The following BMPR1A variants were observed in gnomAD, a reference collection of about 807,000 sequenced individuals.
BMPR1A encodes the protein bone morphogenetic protein receptor type 1A.
In BMPR1A, 7 loss-of-function variants were observed where a neutral mutation model predicts 66.0. The ratio of observed to expected loss-of-function variants is 0.11; its 90% CI spans 0.06 to 0.20. The LOEUF is 0.20. Among genes scored for constraint, BMPR1A ranks in the 10% least tolerant of loss-of-function variants. The pLI is 1.00. For synonymous variants in BMPR1A, 200 were observed against 229.7 expected (o/e 0.87, Z 1.17); for missense variants, 408 against 669.1 (o/e 0.61, Z 4.31).
At chr10:86,822,924 C>T (rs886706750) in intron 1 of BMPR1A, among the ~76,000 whole-genome samples, 2 of 152,084 alleles carry the variant, frequency 1.3e-5, no homozygotes, top group Admixed American at 6.5e-5. Flanking sequence ...GCCACTGTGC[C>T]GGCCTGAGCT....
At chr10:86,764,856 CA>C (rs1446026610) in intron 1 of BMPR1A, among the ~76,000 whole-genome samples, 1 of 152,182 alleles carries the variant, frequency 6.6e-6, no homozygotes, top group East Asian at 1.9e-4. Context: ...TAAAATATCT[CA>C]TTATGCTTTT....
At chr10:86,764,699 CCGA>C (rs1841135729) in intron 1 of BMPR1A, among the ~76,000 whole-genome samples, 2 of 152,184 alleles carry the variant, frequency 1.3e-5, no homozygotes, top group African/African-American at 4.8e-5. Context: ...ACGTAAATAT[CCGA>C]TTCAGGTTTG....
intron 2 of BMPR1A, among the ~76,000 whole-genome samples, chr10:86,873,486 A>G (rs1469738459): frequency 6.6e-6 from 1 of 151,922 alleles, no homozygotes; most frequent in African/African-American, 2.4e-5. Flanking sequence ...GTAAATTAAT[A>G]AGTGAAAATT....
chr10:86,801,171 A>AT (rs1164270160), intron 1 of BMPR1A, among the ~76,000 whole-genome samples: 1 of 152,168 alleles, frequency 6.6e-6, no homozygotes, highest in Non-Finnish European at 1.5e-5. Flanking sequence ...ACAGGGTCTC[A>AT]TTCTGTCACC....
intron 2 of BMPR1A, among the ~76,000 whole-genome samples, chr10:86,862,784 TA>T (rs1842729412): frequency 6.6e-6 from 1 of 150,728 alleles, no homozygotes; most frequent in Non-Finnish European, 1.5e-5. Flanking sequence ...AGCGATATTC[TA>T]AAAATAAAAA....
intron 1 of BMPR1A, among the ~76,000 whole-genome samples, chr10:86,828,989 G>A (rs1842232683): frequency 6.6e-6 from 1 of 152,046 alleles, no homozygotes; most frequent in South Asian, 2.1e-4. Context: ...ATTTTCTGGG[G>A]TTCAGTCTGT....
intron 8 of BMPR1A, 142 bp downstream of exon 8, chr10:86,912,526 T>C (rs1589288746): frequency 1.9e-6 from 2 of 1,032,646 alleles, no homozygotes; most frequent in East Asian, 5.1e-5. Context: ...GTATGCAGTA[T>C]TGCAAGGTGA....
chr10:86,905,740 A>AG (rs1843375965), intron 7 of BMPR1A, among the ~76,000 whole-genome samples: 1 of 151,730 alleles, frequency 6.6e-6, no homozygotes, highest in Non-Finnish European at 1.5e-5. Context: ...CATTGTCTTT[A>AG]GGGGACTCCT....
At chr10:86,867,219 C>T (rs1478542795) in intron 2 of BMPR1A, among the ~76,000 whole-genome samples, 1 of 152,190 alleles carries the variant, frequency 6.6e-6, no homozygotes, top group Non-Finnish European at 1.5e-5. Flanking sequence ...TGAGTGTTGA[C>T]ATGACGCTCA....
downstream of BMPR1A, chr10:86,932,692 A>T (rs1262629607): frequency 6.6e-6 from 1 of 152,334 alleles, no homozygotes; most frequent in Non-Finnish European, 1.5e-5. Flanking sequence ...GGTGGTGCTC[A>T]GGCTACAGCA....
In BMPR1A at chr10:86,884,815, G is replaced by A. The variant is rs140051649; in HGVS notation, c.68-5247G>A. ...ATGACACTGCATGTCAGTATGTGTC[G>A]GACATGTGTCAGCATGTGTCGGAAT... On this transcript the variant is annotated intron_variant, in intron 3 of 12. Coordinates refer to ENST00000372037, the MANE Select transcript of BMPR1A (RefSeq NM_004329.3). 2.5e-3 allele frequency among the ~76,000 whole-genome samples: 373 copies of A among 152,104 alleles called. 1 individual carries two copies. The highest frequency in any genetic ancestry group is 3.9e-3 in the Non-Finnish European group (268 of 67,988).
intron 1 of BMPR1A, among the ~76,000 whole-genome samples, chr10:86,796,251 T>C (rs1841708292): frequency 6.6e-6 from 1 of 152,170 alleles, no homozygotes; most frequent in African/African-American, 2.4e-5. Context: ...ATGTATTTCA[T>C]AAATATGTAT....
At chr10:86,886,153 C>T (rs896921559) in intron 3 of BMPR1A, among the ~76,000 whole-genome samples, 2 of 152,106 alleles carry the variant, frequency 1.3e-5, no homozygotes, top group East Asian at 1.9e-4. Flanking sequence ...TTGTGGGTGG[C>T]GAGAGATTGA....
At chr10:86,900,188 T>G (rs1162375859) in intron 7 of BMPR1A, 62 bp downstream of exon 7, 10 of 1,512,716 alleles carry the variant, frequency 6.6e-6, no homozygotes, top group Non-Finnish European at 9.1e-6. Flanking sequence ...AACCGCTGTT[T>G]GTAAAGCCAG....
At chr10:86,834,978 G>C (rs994762264) in intron 1 of BMPR1A, among the ~76,000 whole-genome samples, 1 of 151,968 alleles carries the variant, frequency 6.6e-6, no homozygotes, top group African/African-American at 2.4e-5. Context: ...TAGGGAAGAG[G>C]GGATTTGGAG....
At chr10:86,876,232 C>A in intron 3 of BMPR1A, 147 bp downstream of exon 3, 1 of 728,044 alleles carries the variant, frequency 1.4e-6, no homozygotes, top group Non-Finnish European at 2.4e-6. Context: ...GAAACACGTG[C>A]CAAATAATTT....
At chr10:86,887,863 G>T (rs994024036) in intron 3 of BMPR1A, among the ~76,000 whole-genome samples, 1 of 152,166 alleles carries the variant, frequency 6.6e-6, no homozygotes, top group Non-Finnish European at 1.5e-5. Context: ...AGGTGACATG[G>T]CTTGCCCAAG....
At chr10:86,829,123 G>A (rs1269846801) in intron 1 of BMPR1A, among the ~76,000 whole-genome samples, 1 of 151,850 alleles carries the variant, frequency 6.6e-6, no homozygotes, top group Non-Finnish European at 1.5e-5. Flanking sequence ...AGTTGACCTG[G>A]GACTGCTGTT....
intron 1 of BMPR1A, among the ~76,000 whole-genome samples, chr10:86,832,283 T>C (rs1301288228): frequency 1.3e-5 from 2 of 152,124 alleles, no homozygotes; most frequent in Admixed American, 1.3e-4. Context: ...CTGGCCAAGA[T>C]GGTGAAACCC....
Sources: allele counts gnomAD v4.1 joint callset (sites outside exome capture counted in the v4.1 genomes callset), GRCh38; gene constraint gnomAD v4.1.1; transcripts MANE v1.5; gene names NCBI Gene and HGNC (gene_info 2026-07-23, HGNC 2026-07-21).